GLRA2: variants seen among roughly 807,000 people sequenced by gnomAD.
GLRA2 encodes the protein glycine receptor subunit alpha-2.
A neutral mutation model predicts 31.6 loss-of-function variants in GLRA2; 11 were observed. The ratio of observed to expected loss-of-function variants is 0.35; its 90% confidence interval spans 0.22 to 0.58. GLRA2 has a LOEUF of 0.58. Among genes scored for constraint, GLRA2 ranks in the 20% least tolerant of loss-of-function variants. The pLI, the probability that GLRA2 is intolerant of heterozygous loss-of-function variation, is 0.84. For synonymous variants in GLRA2, 132 were observed against 134.0 expected (o/e 0.99, Z 0.10); for missense variants, 212 against 351.8 (o/e 0.60, Z 3.18).
chrX:14,588,278 T>TA (rs759704655), intron 4 of GLRA2, among the ~76,000 whole-genome samples: 104 of 111,888 alleles, frequency 9.3e-4, no homozygotes, highest in Middle Eastern at 4.7e-3. Flanking sequence ...TTGTATATAG[T>TA]AAAAGGTGGT....
intron 8 of GLRA2, among the ~76,000 whole-genome samples, chrX:14,697,012 G>A: frequency 9.0e-6 from 1 of 110,554 alleles, no homozygotes; most frequent in East Asian, 2.8e-4. Flanking sequence ...GAAAAAATAG[G>A]CAAGAAATAT....
chrX:14,685,027 G>T (rs1007159889), intron 7 of GLRA2, among the ~76,000 whole-genome samples: 1 of 111,344 alleles, frequency 9.0e-6, no homozygotes, highest in Admixed American at 9.5e-5. Context: ...TAGCATGAAG[G>T]GTTGTTGAAT....
chrX:14,536,823 G>A (rs1382388514), intron 2 of GLRA2, among the ~76,000 whole-genome samples: 1 of 111,513 alleles, frequency 9.0e-6, no homozygotes, highest in Non-Finnish European at 1.9e-5. Context: ...TTATTAAAAA[G>A]TATACAGAAA....
At chrX:14,609,579 G>T (rs1011159700) in intron 7 of GLRA2, among the ~76,000 whole-genome samples, 5 of 110,889 alleles carry the variant, frequency 4.5e-5, no homozygotes, top group Admixed American at 9.6e-5. Context: ...ATTTATTGGT[G>T]AAACTATTGC....
chrX:14,593,395 T>A (rs751340030), intron 4 of GLRA2, among the ~76,000 whole-genome samples: 1 of 112,184 alleles, frequency 8.9e-6, no homozygotes, highest in Non-Finnish European at 1.9e-5. Flanking sequence ...TGAGATATAC[T>A]CTCAGAGCAA....
intron 5 of GLRA2, among the ~76,000 whole-genome samples, 167 bp from the exon 6 acceptor site, chrX:14,606,963 GA>G (rs766601666): frequency 8.9e-6 from 1 of 112,352 alleles, no homozygotes; most frequent in African/African-American, 3.2e-5. Context: ...TGGCTCCAAT[GA>G]CACAGAGTTG....
chrX:14,704,062 G>A (rs1346620061), intron 8 of GLRA2, among the ~76,000 whole-genome samples: 2 of 111,268 alleles, frequency 1.8e-5, no homozygotes, highest in Admixed American at 9.6e-5. Context: ...CCCCATCCTC[G>A]GCCTCCCCAC....
chrX:14,681,215 A>G (rs1206697508), intron 7 of GLRA2, among the ~76,000 whole-genome samples: 1 of 112,459 alleles, frequency 8.9e-6, no homozygotes, highest in Non-Finnish European at 1.9e-5. Context: ...GAGCTAAGAG[A>G]ATAAAAACTC....
chrX:14,644,361 T>C (rs959144711), intron 7 of GLRA2, among the ~76,000 whole-genome samples: 6 of 112,203 alleles, frequency 5.3e-5, no homozygotes, highest in African/African-American at 1.9e-4. Flanking sequence ...TACAGTAGTT[T>C]TTTTTAGGAA....
At chrX:14,610,017 T>C (rs2090381305) in intron 7 of GLRA2, among the ~76,000 whole-genome samples, 1 of 112,315 alleles carries the variant, frequency 8.9e-6, no homozygotes, top group South Asian at 3.7e-4. Context: ...TGAAATGCTC[T>C]AGCACCCCAG....
At chrX:14,579,927 A>C (rs1569501519) in intron 3 of GLRA2, among the ~76,000 whole-genome samples, 1 of 112,223 alleles carries the variant, frequency 8.9e-6, no homozygotes, top group Non-Finnish European at 1.9e-5. Flanking sequence ...AAACAAAAAC[A>C]AAAACCGTAT....
intron 8 of GLRA2, among the ~76,000 whole-genome samples, chrX:14,691,271 CTGTGTGTGTGTGTGTGTG>C (rs4014173): frequency 1.1e-3 from 90 of 85,269 alleles, no homozygotes; most frequent in South Asian, 5.5e-3. Flanking sequence ...TAAATATTGA[CTGTGTGTGTGTGTGTGTG>C]TGTGTGTGTG....
intron 8 of GLRA2, among the ~76,000 whole-genome samples, chrX:14,696,354 AAGAG>A (rs774331486): frequency 9.0e-5 from 10 of 110,898 alleles, no homozygotes; most frequent in African/African-American, 3.3e-4. Flanking sequence ...AAGAGAGAGA[AAGAG>A]AGAGACTCAA....
intron 7 of GLRA2, among the ~76,000 whole-genome samples, chrX:14,681,173 T>C (rs2091197566): frequency 8.9e-6 from 1 of 112,128 alleles, no homozygotes; most frequent in Non-Finnish European, 1.9e-5. Context: ...AGACAAACTA[T>C]TAAGGAAGCA....
the GLRA2 span, among the ~76,000 whole-genome samples, chrX:14,512,622 C>A: frequency 0.029 from 3,207 of 111,146 alleles, 45 homozygotes; most frequent in Non-Finnish European, 0.039. Flanking sequence ...TGCTATACAC[C>A]AACAGTGAAC....
chrX:14,538,866 A>G (rs1330958818), intron 2 of GLRA2, among the ~76,000 whole-genome samples: 2 of 111,807 alleles, frequency 1.8e-5, no homozygotes, highest in Non-Finnish European at 3.8e-5. Context: ...TATTTAAAAG[A>G]GAGCATTTGG....
At chrX:14,496,702 C>T in the GLRA2 span, among the ~76,000 whole-genome samples, 22 of 112,079 alleles carry the variant, frequency 2.0e-4, no homozygotes, top group Non-Finnish European at 3.6e-4. Context: ...TGCTGTCAAA[C>T]GTCAGGCCCA....
At chrX:14,460,375 T>C in the GLRA2 span, among the ~76,000 whole-genome samples, 2 of 112,014 alleles carry the variant, frequency 1.8e-5, no homozygotes, top group Non-Finnish European at 3.8e-5. Context: ...ATCAGGATGA[T>C]GCTGGCCACA....
the GLRA2 span, among the ~76,000 whole-genome samples, chrX:14,452,428 A>G: frequency 8.9e-6 from 1 of 112,357 alleles, no homozygotes; most frequent in African/African-American, 3.2e-5. Flanking sequence ...TACATAACCT[A>G]CTGTACCACT....
Sources: allele counts gnomAD v4.1 joint callset (sites outside exome capture counted in the v4.1 genomes callset), GRCh38; gene constraint gnomAD v4.1.1; transcripts MANE v1.5; gene names NCBI Gene and HGNC (gene_info 2026-07-23, HGNC 2026-07-21).